The following PPP1R42 variants were observed in gnomAD, a reference collection of about 807,000 sequenced individuals.
PPP1R42 encodes protein phosphatase 1 regulatory subunit 42, also known as leucine rich repeat containing 67.
Under a neutral mutation model 31.0 loss-of-function variants are expected in PPP1R42, and 34 were observed. The ratio of observed to expected loss-of-function variants is 1.10; its 90% CI spans 0.83 to 1.46. The LOEUF is 1.46. Ranked by LOEUF, PPP1R42 falls within the 40% of genes most tolerant of loss-of-function variation. The probability of loss-of-function intolerance (pLI) is 0.00; values close to 1 mark genes in which losing one functional copy is unlikely to be tolerated. For missense variants in PPP1R42, 268 were observed against 303.0 expected, an observed-to-expected ratio of 0.88 and a Z score of 0.86; for synonymous variants, 103 against 109.8, an observed-to-expected ratio of 0.94 and a Z score of 0.39.
intron 5 of PPP1R42, among the ~76,000 whole-genome samples, chr8:67,000,724 A>T (rs960086802): frequency 3.9e-5 from 6 of 152,138 alleles, no homozygotes; most frequent in Admixed American, 1.3e-4. Flanking sequence ...TCCCAAAGTG[A>T]TAGTATTAGA....
At chr8:66,966,872 T>C (rs1814396853) in intron 7 of PPP1R42, among the ~76,000 whole-genome samples, 1 of 152,236 alleles carries the variant, frequency 6.6e-6, no homozygotes. Flanking sequence ...TCTTTTGAAT[T>C]AGATCTTATA....
intron 5 of PPP1R42, among the ~76,000 whole-genome samples, chr8:67,003,425 C>CTA (rs1815571387): frequency 9.9e-6 from 1 of 101,432 alleles, no homozygotes; most frequent in Non-Finnish European, 1.8e-5. Context: ...AAGACTACAT[C>CTA]TAAAAGCAAG....
At chr8:66,980,052 G>C (rs1232177988) in intron 7 of PPP1R42, among the ~76,000 whole-genome samples, 11 of 152,070 alleles carry the variant, frequency 7.2e-5, no homozygotes, top group Admixed American at 7.2e-4. Flanking sequence ...CCTTACCCTA[G>C]GTCTAGTTCT....
chr8:66,978,764 G>C (rs1814746539), intron 7 of PPP1R42, among the ~76,000 whole-genome samples: 1 of 152,146 alleles, frequency 6.6e-6, no homozygotes, highest in Admixed American at 6.5e-5. Context: ...TCCTAACTGG[G>C]ATGAGATGAC....
intron 2 of PPP1R42, 98 bp from the exon 3 acceptor site, chr8:67,014,690 TC>T: frequency 1.3e-6 from 1 of 775,018 alleles, no homozygotes; most frequent in East Asian, 2.8e-5. Context: ...TACAAATTTC[TC>T]TAAGGTTAAT....
chr8:66,987,439 A>C (rs1214564117), intron 6 of PPP1R42, among the ~76,000 whole-genome samples: 1 of 151,750 alleles, frequency 6.6e-6, no homozygotes, highest in Non-Finnish European at 1.5e-5. Context: ...TTACATGTGC[A>C]CACTGCCACC....
chr8:66,970,305 AT>A (rs200683229), intron 7 of PPP1R42, among the ~76,000 whole-genome samples: 86 of 144,294 alleles, frequency 6.0e-4, no homozygotes, highest in Middle Eastern at 3.6e-3. Flanking sequence ...TAATTTTTGT[AT>A]TTTTTTTTTT....
intron 1 of PPP1R42, chr8:67,021,323 T>G (rs1816210244): frequency 6.6e-6 from 1 of 152,128 alleles, no homozygotes; most frequent in Non-Finnish European, 1.5e-5. Context: ...ATTCTTAGAC[T>G]CTTCAAAATG....
intron 2 of PPP1R42, among the ~76,000 whole-genome samples, chr8:67,015,636 C>T (rs1200770830): frequency 6.8e-6 from 1 of 147,886 alleles, no homozygotes; most frequent in Non-Finnish European, 1.5e-5. Flanking sequence ...TCTGCCCAGG[C>T]TGGTGTCAAA....
chr8:67,013,444 CAG>C (rs1048192690), intron 3 of PPP1R42, among the ~76,000 whole-genome samples: 2 of 151,826 alleles, frequency 1.3e-5, no homozygotes, highest in Non-Finnish European at 2.9e-5. Flanking sequence ...CGGCTAGACA[CAG>C]TGGTTCACAC....
chr8:66,972,459 G>A (rs1814562829), intron 7 of PPP1R42, among the ~76,000 whole-genome samples: 1 of 151,852 alleles, frequency 6.6e-6, no homozygotes, highest in East Asian at 1.9e-4. Context: ...GCACAATCTC[G>A]GCTCACTACA....
chr8:66,994,122 C>T (rs1193472287), intron 5 of PPP1R42, among the ~76,000 whole-genome samples: 1 of 151,952 alleles, frequency 6.6e-6, no homozygotes, highest in Non-Finnish European at 1.5e-5. Flanking sequence ...GTTAGAGGAT[C>T]TTGGTGGTAA....
intron 7 of PPP1R42, among the ~76,000 whole-genome samples, chr8:66,973,405 G>A (rs563007645): frequency 5.3e-5 from 8 of 151,952 alleles, no homozygotes; most frequent in Non-Finnish European, 8.8e-5. Flanking sequence ...CCAGGTTCAA[G>A]CAGTTCTCTT....
intron 5 of PPP1R42, among the ~76,000 whole-genome samples, chr8:66,998,886 C>T (rs79149848): frequency 0.035 from 5,288 of 152,060 alleles, 187 homozygotes; most frequent in African/African-American, 0.079. Context: ...TGAGATAAGC[C>T]TCACCTGGTC....
intron 7 of PPP1R42, chr8:66,968,642 A>AT (rs1814452471): frequency 5.2e-6 from 1 of 190,782 alleles, no homozygotes. Flanking sequence ...CTTTATTTTG[A>AT]TTATCTCCTG....
chr8:67,019,970 T>C (rs1326235753), intron 1 of PPP1R42, among the ~76,000 whole-genome samples: 3 of 151,938 alleles, frequency 2.0e-5, no homozygotes, highest in Non-Finnish European at 4.4e-5. Context: ...CTAGTGACAG[T>C]TGAGAAAGGG....
At chr8:66,971,267 A>G in intron 7 of PPP1R42, 1 of 570,330 alleles carries the variant, frequency 1.8e-6, no homozygotes, top group Non-Finnish European at 2.7e-6. Flanking sequence ...TAAAACTAGT[A>G]ATAAAATTAA....
chr8:66,985,958 C>T (rs2130928617), intron 6 of PPP1R42: 1 of 758,356 alleles, frequency 1.3e-6, no homozygotes, highest in African/African-American at 1.7e-5. Flanking sequence ...CCTTCTTTAG[C>T]TTTCGTTTTC....
intron 5 of PPP1R42, among the ~76,000 whole-genome samples, chr8:67,010,107 C>T (rs945178345): frequency 6.6e-6 from 1 of 152,168 alleles, no homozygotes; most frequent in Non-Finnish European, 1.5e-5. Flanking sequence ...ATTGTAGTCC[C>T]ATTACTAGTT....
Sources: gnomAD v4.1 joint callset for allele counts (sites outside exome capture counted in the v4.1 genomes callset) on GRCh38, gnomAD v4.1.1 for gene constraint, MANE v1.5 for transcripts, NCBI Gene and HGNC (gene_info 2026-07-23, HGNC 2026-07-21) for gene names.